TMEM132D: variants seen among roughly 807,000 people sequenced by gnomAD.
TMEM132D encodes the protein mature OL transmembrane protein.
In TMEM132D, 21 loss-of-function variants were observed where a neutral mutation model predicts 62.3. The observed-to-expected ratio is 0.34, with a 90% CI of 0.24 to 0.49. The LOEUF (loss-of-function observed/expected upper bound fraction) is 0.49. Ranked by LOEUF, TMEM132D falls within the 20% of genes least tolerant of loss-of-function variation. The pLI is 0.99. For missense variants in TMEM132D, 1,346 were observed against 1,402.8 expected (o/e 0.96, Z 0.65); for synonymous variants, 621 against 575.6 (o/e 1.08, Z -1.13).
intron 4 of TMEM132D, among the ~76,000 whole-genome samples, chr12:129,253,252 G>T (rs532327613): frequency 4.2e-5 from 6 of 142,438 alleles, no homozygotes; most frequent in Admixed American, 2.8e-4. Context: ...AAAAAAAAAA[G>T]ATTCTACATT....
intron 5 of TMEM132D, among the ~76,000 whole-genome samples, chr12:129,206,976 C>A (rs1318060123): frequency 1.3e-5 from 2 of 152,106 alleles, no homozygotes; most frequent in African/African-American, 4.8e-5. Context: ...GGGAGAGGAT[C>A]AGAGAAAAAT....
intron 1 of TMEM132D, among the ~76,000 whole-genome samples, chr12:129,828,965 G>A (rs1314066863): frequency 1.3e-5 from 2 of 151,858 alleles, no homozygotes; most frequent in African/African-American, 4.8e-5. Flanking sequence ...CTGTCACTAT[G>A]AGGAGGTGGC....
At chr12:129,340,445 T>C (rs1869433947) in intron 3 of TMEM132D, among the ~76,000 whole-genome samples, 1 of 152,128 alleles carries the variant, frequency 6.6e-6, no homozygotes, top group African/African-American at 2.4e-5. Flanking sequence ...CTCCTAATGC[T>C]ATCCTTCCCC....
At chr12:129,227,195 T>C (rs1234241229) in intron 4 of TMEM132D, among the ~76,000 whole-genome samples, 1 of 151,046 alleles carries the variant, frequency 6.6e-6, no homozygotes, top group Non-Finnish European at 1.5e-5. Flanking sequence ...TGGCCAAATA[T>C]GGATTTTTAT....
intron 3 of TMEM132D, among the ~76,000 whole-genome samples, chr12:129,346,811 T>C (rs1158568663): frequency 3.3e-5 from 5 of 152,136 alleles, no homozygotes; most frequent in Non-Finnish European, 5.9e-5. Context: ...GAAAACCCCA[T>C]TGTCTCAGCC....
At chr12:129,704,249 G>T (rs941626487) in intron 1 of TMEM132D, among the ~76,000 whole-genome samples, 1 of 152,176 alleles carries the variant, frequency 6.6e-6, no homozygotes, top group Non-Finnish European at 1.5e-5. Context: ...ATAGTTGTCC[G>T]CTGAGTAGAT....
chr12:129,152,249 A>G (rs943785170), intron 5 of TMEM132D, among the ~76,000 whole-genome samples: 1 of 152,224 alleles, frequency 6.6e-6, no homozygotes, highest in Non-Finnish European at 1.5e-5. Flanking sequence ...AGTTTTCTCC[A>G]GACTCCATCA....
intron 4 of TMEM132D, among the ~76,000 whole-genome samples, chr12:129,230,885 T>A (rs936965871): frequency 3.3e-5 from 5 of 152,182 alleles, no homozygotes; most frequent in African/African-American, 9.6e-5. Context: ...TTATGTCACA[T>A]CCATGAGATC....
intron 3 of TMEM132D, among the ~76,000 whole-genome samples, chr12:129,366,543 G>A (rs537350883): frequency 4.6e-5 from 7 of 152,264 alleles, no homozygotes; most frequent in East Asian, 3.9e-4. Flanking sequence ...GCAGAACCAC[G>A]AGCAAATTAA....
chr12:129,354,604 G>A lies in TMEM132D; in HGVS notation c.1116-16787C>T, dbSNP rs762716500. ...CCCAAAGTGCTGGGATTACAGGCGT[G>A]AGCCACTGCGCCCAGTCTTTATTGG... On this transcript the variant is annotated intron_variant, in intron 3 of 8. Transcript: ENST00000422113. Among the ~76,000 whole-genome samples, 10 of 152,288 alleles carry A rather than the reference G, an allele frequency of 6.6e-5. No individual in the cohort carries two copies. The East Asian group carries it at 1.4e-3, about 21-fold the overall frequency.
chr12:129,716,669 T>C (rs1476185688), intron 1 of TMEM132D, among the ~76,000 whole-genome samples: 2 of 152,064 alleles, frequency 1.3e-5, no homozygotes, highest in Non-Finnish European at 2.9e-5. Context: ...CAGATGGGAC[T>C]AAGTCAGGAA....
chr12:129,619,305 G>A (rs952601489), intron 2 of TMEM132D, among the ~76,000 whole-genome samples: 4 of 152,206 alleles, frequency 2.6e-5, no homozygotes, highest in African/African-American at 4.8e-5. Context: ...CTCAGGAAGA[G>A]AATCGATCTG....
intron 2 of TMEM132D, among the ~76,000 whole-genome samples, chr12:129,564,470 G>A (rs1008152347): frequency 3.3e-5 from 5 of 152,166 alleles, no homozygotes; most frequent in South Asian, 2.1e-4. Flanking sequence ...ACTTTGCGGA[G>A]GAAGAAGCCC....
At chr12:129,079,041 C>T (rs889401704) in intron 7 of TMEM132D, among the ~76,000 whole-genome samples, 5 of 152,174 alleles carry the variant, frequency 3.3e-5, no homozygotes, top group South Asian at 4.1e-4. Flanking sequence ...CGTTTTCATT[C>T]GACTATTAGC....
At chr12:129,146,886 C>A (rs1876914816) in intron 5 of TMEM132D, among the ~76,000 whole-genome samples, 2 of 152,122 alleles carry the variant, frequency 1.3e-5, no homozygotes, top group African/African-American at 4.8e-5. Flanking sequence ...TATCTTCATT[C>A]TACAGAGGGG....
At chr12:129,249,478 G>A (rs1472855044) in intron 4 of TMEM132D, among the ~76,000 whole-genome samples, 1 of 152,234 alleles carries the variant, frequency 6.6e-6, no homozygotes, top group Non-Finnish European at 1.5e-5. Context: ...CAGAGAACAC[G>A]CAGTGAGGGA....
At chr12:129,162,878 T>C (rs1877439699) in intron 5 of TMEM132D, among the ~76,000 whole-genome samples, 1 of 152,202 alleles carries the variant, frequency 6.6e-6, no homozygotes, top group African/African-American at 2.4e-5. Context: ...AAGGAAAGAA[T>C]GTTCTAACAC....
chr12:129,595,262 A>G (rs979180825), intron 2 of TMEM132D, among the ~76,000 whole-genome samples: 3 of 152,222 alleles, frequency 2.0e-5, no homozygotes, highest in African/African-American at 7.2e-5. Flanking sequence ...CTTATATTCT[A>G]GTGAGGTGGG....
At chr12:129,109,614 T>C (rs1875615121) in intron 5 of TMEM132D, 1 of 152,610 alleles carries the variant, frequency 6.6e-6, no homozygotes, top group African/African-American at 2.4e-5. Flanking sequence ...AGTCTCGTGA[T>C]AGTGAATAAA....
Sources: allele counts gnomAD v4.1 joint callset (sites outside exome capture counted in the v4.1 genomes callset), GRCh38; gene constraint gnomAD v4.1.1; transcripts MANE v1.5; gene names NCBI Gene and HGNC (gene_info 2026-07-23, HGNC 2026-07-21).